HERPUD2: variants seen among roughly 807,000 people sequenced by gnomAD.
HERPUD2 encodes HERPUD family member 2.
A neutral mutation model predicts 49.9 loss-of-function variants in HERPUD2; 13 were observed. The observed-to-expected ratio is 0.26, with a 90% CI of 0.17 to 0.41. HERPUD2 has a LOEUF of 0.41. Among genes scored for constraint, HERPUD2 ranks in the 10% least tolerant of loss-of-function variants. The pLI is 1.00. For synonymous variants in HERPUD2, 172 were observed against 171.4 expected (o/e 1.00, Z -0.03); for missense variants, 449 against 492.2 (o/e 0.91, Z 0.83).
chr7:35,675,686 A>G (rs1451602173), intron 2 of HERPUD2, among the ~76,000 whole-genome samples: 3 of 152,154 alleles, frequency 2.0e-5, no homozygotes, highest in Non-Finnish European at 1.5e-5. Context: ...CAGCTTCAAC[A>G]ATTACCAAAT....
chr7:35,692,210 T>C (rs1786208067), intron 2 of HERPUD2, among the ~76,000 whole-genome samples: 1 of 152,144 alleles, frequency 6.6e-6, no homozygotes, highest in African/African-American at 2.4e-5. Flanking sequence ...ACTGACATCC[T>C]CCACTAGTGA....
chr7:35,688,932 T>C (rs890658075), intron 2 of HERPUD2, among the ~76,000 whole-genome samples: 1 of 152,112 alleles, frequency 6.6e-6, no homozygotes, highest in Admixed American at 6.6e-5. Context: ...ATTATAAACC[T>C]TACATCATAA....
Position 35,685,052 on chromosome 7 carries a change from G to A in HERPUD2, c.147+9132C>T, listed in dbSNP as rs569064257. Among the ~76,000 whole-genome samples the A allele has an allele frequency of 4.6e-5, 7 of 152,036 alleles. No homozygotes were observed. The South Asian group carries it at 6.2e-4, about 14-fold the overall frequency. On this transcript the variant is annotated intron_variant, in intron 2 of 8. Transcript: ENST00000311350. The stretch of plus-strand genomic sequence containing the variant: ...GCCCAGGAGTTCCAGACCAGCCTGG[G>A]CAACATAGTGAGACCCTGTCTCTAC...
At chr7:35,668,240 T>C (rs572432260) in intron 4 of HERPUD2, among the ~76,000 whole-genome samples, 1 of 152,328 alleles carries the variant, frequency 6.6e-6, no homozygotes, top group Non-Finnish European at 1.5e-5. Context: ...TATTAGTTTA[T>C]AGAAATCACC....
chr7:35,672,182 C>T (rs1451132925), intron 3 of HERPUD2, among the ~76,000 whole-genome samples: 1 of 151,406 alleles, frequency 6.6e-6, no homozygotes, highest in African/African-American at 2.4e-5. Context: ...CAGGCTGTGC[C>T]TATGTGGGGT....
At chr7:35,645,369 C>G (rs1221959231) in intron 5 of HERPUD2, among the ~76,000 whole-genome samples, 1 of 152,022 alleles carries the variant, frequency 6.6e-6, no homozygotes, top group African/African-American at 2.4e-5. Flanking sequence ...ACTGCTTGAG[C>G]CCAGGAGTTC....
At chr7:35,674,829 G>A (rs1323109856) in intron 2 of HERPUD2, among the ~76,000 whole-genome samples, 1 of 152,160 alleles carries the variant, frequency 6.6e-6, no homozygotes, top group Non-Finnish European at 1.5e-5. Context: ...TTCCTCAAGA[G>A]TGGATGGGCC....
At position 35,649,313 on chromosome 7, in the gene HERPUD2, A is replaced by T. The variant is rs374650581; in HGVS notation, c.495-10841T>A. On this transcript the variant is annotated intron_variant, in intron 5 of 8. Transcript: ENST00000311350. ...CCTGGAAATATGTCCAAGCTGTATT[A>T]TGTTTTTTTTTAAGTTTACAAAACA... Among the ~76,000 whole-genome samples the T allele has an allele frequency of 1.1e-4, 16 of 152,184 alleles. No individual in the cohort carries two copies. In the East Asian group the frequency reaches 3.1e-3, roughly 29 times the overall value.
chr7:35,678,290 T>G (rs141952034), intron 2 of HERPUD2, among the ~76,000 whole-genome samples: 3 of 151,768 alleles, frequency 2.0e-5, no homozygotes, highest in African/African-American at 7.3e-5. Context: ...CAAGTCTCAG[T>G]TTTTTTGTTG....
chr7:35,676,567 T>C (rs765593767), intron 2 of HERPUD2, among the ~76,000 whole-genome samples: 2 of 152,318 alleles, frequency 1.3e-5, no homozygotes, highest in African/African-American at 2.4e-5. Flanking sequence ...CCATGATTCA[T>C]TTTAATGGGA....
chr7:35,662,331 TTC>T (rs1281045839), intron 5 of HERPUD2, among the ~76,000 whole-genome samples: 11 of 152,224 alleles, frequency 7.2e-5, no homozygotes, highest in Admixed American at 6.5e-4. Flanking sequence ...TGGTCTAAAA[TTC>T]TCTTTTTTTG....
chr7:35,686,588 G>T, intron 2 of HERPUD2, among the ~76,000 whole-genome samples: 1 of 138,350 alleles, frequency 7.2e-6, no homozygotes, highest in Non-Finnish European at 1.6e-5. Context: ...GCGTAGTGGC[G>T]GGCGCCTGTA....
intron 5 of HERPUD2, among the ~76,000 whole-genome samples, chr7:35,653,405 A>G (rs1785206635): frequency 6.6e-6 from 1 of 152,214 alleles, no homozygotes; most frequent in Admixed American, 6.5e-5. Context: ...ATCCAACACC[A>G]GACCACTCAG....
At chr7:35,637,884 G>C (rs1157850979) in intron 6 of HERPUD2, among the ~76,000 whole-genome samples, 1 of 152,188 alleles carries the variant, frequency 6.6e-6, no homozygotes, top group Admixed American at 6.5e-5. Context: ...AATGCAGAAT[G>C]AGTTGAGGAG....
At chr7:35,671,092 G>A (rs1785634087) in intron 3 of HERPUD2, among the ~76,000 whole-genome samples, 1 of 151,996 alleles carries the variant, frequency 6.6e-6, no homozygotes, top group African/African-American at 2.4e-5. Context: ...AAAGAAAAAG[G>A]AGCAGAAAGA....
At chr7:35,692,299 G>A (rs1391310379) in intron 2 of HERPUD2, among the ~76,000 whole-genome samples, 3 of 128,386 alleles carry the variant, frequency 2.3e-5, no homozygotes, top group Non-Finnish European at 3.2e-5. Context: ...TCCCACTCCC[G>A]TCTCAGGTAC....
At chr7:35,671,125 G>A (rs1785635232) in intron 3 of HERPUD2, among the ~76,000 whole-genome samples, 2 of 151,994 alleles carry the variant, frequency 1.3e-5, no homozygotes, top group Admixed American at 6.6e-5. Flanking sequence ...TGGGGAGAAA[G>A]GGAAACAAAG....
chr7:35,648,981 G>A (rs1785107172), intron 5 of HERPUD2, among the ~76,000 whole-genome samples: 1 of 152,220 alleles, frequency 6.6e-6, no homozygotes, highest in African/African-American at 2.4e-5. Flanking sequence ...GCCGGGAGCA[G>A]TGGCTCACGC....
intron 5 of HERPUD2, among the ~76,000 whole-genome samples, chr7:35,659,002 T>A (rs1232058862): frequency 6.6e-6 from 1 of 152,192 alleles, no homozygotes; most frequent in Non-Finnish European, 1.5e-5. Context: ...GGACCAGAAA[T>A]GAGCAATTTT....
Sources: gnomAD v4.1 joint callset for allele counts (sites outside exome capture counted in the v4.1 genomes callset) on GRCh38, gnomAD v4.1.1 for gene constraint, MANE v1.5 for transcripts, NCBI Gene and HGNC (gene_info 2026-07-23, HGNC 2026-07-21) for gene names.